Variants in XRCC5 observed in about 807,000 individuals in gnomAD.
XRCC5 encodes X-ray repair cross complementing 5.
Under a neutral mutation model 95.7 loss-of-function variants are expected in XRCC5, and 12 were observed. The observed-to-expected ratio is 0.13, with a 90% CI of 0.08 to 0.20. XRCC5 has a LOEUF of 0.20. Ranked by LOEUF, XRCC5 falls within the 10% of genes least tolerant of loss-of-function variation. The pLI is 1.00. For synonymous variants in XRCC5, 281 were observed against 290.3 expected (o/e 0.97, Z 0.33); for missense variants, 595 against 873.9 (o/e 0.68, Z 4.02).
At chr2:216,124,821 T>C (rs1424543594) in intron 6 of XRCC5, among the ~76,000 whole-genome samples, 1 of 152,242 alleles carries the variant, frequency 6.6e-6, no homozygotes, top group Non-Finnish European at 1.5e-5. Flanking sequence ...CTGCTTATTT[T>C]AGTGAATACC....
chr2:216,201,258 C>T (rs757966367), intron 19 of XRCC5, among the ~76,000 whole-genome samples: 2 of 152,126 alleles, frequency 1.3e-5, no homozygotes, highest in African/African-American at 2.4e-5. Flanking sequence ...TCATTTTAGG[C>T]AAAGTACATG....
At chr2:216,182,501 A>C (rs1390391098) in intron 16 of XRCC5, among the ~76,000 whole-genome samples, 1 of 152,128 alleles carries the variant, frequency 6.6e-6, no homozygotes, top group East Asian at 1.9e-4. Flanking sequence ...TTCTCTATCA[A>C]TTTTAGTAAG....
chr2:216,184,073 T>TGG (rs1689445807), intron 16 of XRCC5, among the ~76,000 whole-genome samples: 1 of 131,040 alleles, frequency 7.6e-6, no homozygotes, highest in African/African-American at 2.9e-5. Flanking sequence ...TGTGTGTGTG[T>TGG]GATTTAGAGA....
chr2:216,191,425 T>C (rs931953256), intron 17 of XRCC5, among the ~76,000 whole-genome samples: 2 of 152,040 alleles, frequency 1.3e-5, no homozygotes, highest in Non-Finnish European at 2.9e-5. Context: ...TTTTTTTTTT[T>C]CTTGAGACGG....
chr2:216,120,297 A>T (rs1426289265), intron 5 of XRCC5, among the ~76,000 whole-genome samples: 1 of 152,198 alleles, frequency 6.6e-6, no homozygotes, highest in African/African-American at 2.4e-5. Flanking sequence ...TTAGAAGCAG[A>T]CTGCATTTCA....
At position 216,113,145 on chromosome 2, in the gene XRCC5, A is replaced by T; in HGVS notation, c.135+16A>T. On this transcript the variant is annotated intron_variant, in intron 2 of 20. Transcript: ENST00000392132. Reference sequence around the variant, plus strand: ...ACAGCGACAGGTAAGTTTCAGATTGACACTGAGCTTGTAACCCATGTTTGA... The same window carrying T: ...ACAGCGACAGGTAAGTTTCAGATTGTCACTGAGCTTGTAACCCATGTTTGA... 1 of 1,604,496 alleles carries T rather than the reference A, an allele frequency of 6.2e-7. No homozygotes were observed. Among genetic ancestry groups the T allele is most frequent in the Middle Eastern group, 1.7e-4 (1 of 6,040 alleles).
At chr2:216,142,561 A>G (rs1260311384) in intron 13 of XRCC5, among the ~76,000 whole-genome samples, 2 of 152,138 alleles carry the variant, frequency 1.3e-5, no homozygotes, top group Non-Finnish European at 2.9e-5. Flanking sequence ...AGTTGATGAC[A>G]GCAGGACATA....
chr2:216,142,823 A>G (rs1697194179), intron 13 of XRCC5, among the ~76,000 whole-genome samples: 1 of 152,130 alleles, frequency 6.6e-6, no homozygotes, highest in Admixed American at 6.5e-5. Context: ...TGATGCTTGT[A>G]ATTCTTTTAA....
chr2:216,168,409 A>T (rs1689092971), intron 16 of XRCC5, among the ~76,000 whole-genome samples: 1 of 152,236 alleles, frequency 6.6e-6, no homozygotes. Context: ...AATCATTGAA[A>T]TAGAGATGAA....
In XRCC5 at chr2:216,127,682, A is replaced by C. The variant is rs762464279; in HGVS notation, c.937+8A>C. ...AAGAGGATATTATTCAAGGTATGTC[A>C]GTAAGAGTTTTCACTGTTGCCTAAA... is the stretch of plus-strand genomic sequence containing the variant. On this transcript the variant is annotated splice_region_variant and intron_variant, in intron 8 of 20. Transcript: ENST00000392132. The C allele has an allele frequency of 1.9e-6, 3 of 1,590,100 alleles. No homozygotes were observed. Among genetic ancestry groups the C allele is most frequent in the East Asian group, 4.5e-5 (2 of 44,534 alleles).
At chr2:216,171,313 G>C (rs754531307) in intron 16 of XRCC5, among the ~76,000 whole-genome samples, 1 of 152,204 alleles carries the variant, frequency 6.6e-6, no homozygotes. Context: ...ATCCATGCGT[G>C]TCTACATAAA....
intron 16 of XRCC5, among the ~76,000 whole-genome samples, chr2:216,168,257 G>A (rs1689091116): frequency 6.6e-6 from 1 of 152,158 alleles, no homozygotes; most frequent in Admixed American, 6.5e-5. Flanking sequence ...AAAGACTCTG[G>A]ATCAAATTCC....
rs41296430 is a variant in XRCC5 at position 216,150,013 on chromosome 2, GTA to G, written c.1670+1739_1670+1740del. Among the ~76,000 whole-genome samples, 611 of 152,274 alleles carry G rather than the reference GTA, an allele frequency of 4.0e-3. 4 individuals carry two copies. Among genetic ancestry groups the G allele is most frequent in the African/African-American group, 0.014 (590 of 41,544 alleles). ...ATTTAGCAAATATTGAGTACCACCT[GTA>G]TTCAAGAAGAATGGTTCAGTCCTTT... On this transcript the variant is annotated intron_variant, in intron 14 of 20. Transcript: ENST00000392132.
At chr2:216,126,180 C>T (rs1696897585) in intron 7 of XRCC5, 149 bp downstream of exon 7, 2 of 637,090 alleles carry the variant, frequency 3.1e-6, no homozygotes, top group Non-Finnish European at 5.2e-6. Context: ...CTCTGTTTAG[C>T]TTTTTGTGTA....
At chr2:216,114,710 T>G (rs1162828738) in intron 2 of XRCC5, among the ~76,000 whole-genome samples, 1 of 152,190 alleles carries the variant, frequency 6.6e-6, no homozygotes, top group East Asian at 1.9e-4. Flanking sequence ...TACAGGAATC[T>G]TAACAGACAG....
chr2:216,119,226 G>A, intron 5 of XRCC5, 61 bp downstream of exon 5: 1 of 1,591,118 alleles, frequency 6.3e-7, no homozygotes, highest in Non-Finnish European at 8.6e-7. Flanking sequence ...TAGTGAATGG[G>A]CCCTCTGTAT....
intron 16 of XRCC5, among the ~76,000 whole-genome samples, chr2:216,167,553 C>CGT (rs148374955): frequency 4.9e-5 from 7 of 141,952 alleles, no homozygotes; most frequent in African/African-American, 1.3e-4. Context: ...AAATCTCTCT[C>CGT]GTGTGTGTGT....
intron 7 of XRCC5, among the ~76,000 whole-genome samples, chr2:216,126,747 T>G (rs559507966): frequency 1.4e-4 from 21 of 152,304 alleles, no homozygotes; most frequent in African/African-American, 4.8e-4. Flanking sequence ...CCAAAATACA[T>G]GATATATCTG....
intron 16 of XRCC5, among the ~76,000 whole-genome samples, chr2:216,185,650 C>G (rs573289030): frequency 4.6e-5 from 7 of 150,902 alleles, no homozygotes; most frequent in Non-Finnish European, 8.8e-5. Flanking sequence ...TTGTCATTGG[C>G]TACATAAATT....
Sources: allele counts gnomAD v4.1 joint callset (sites outside exome capture counted in the v4.1 genomes callset), GRCh38; gene constraint gnomAD v4.1.1; transcripts MANE v1.5; gene names NCBI Gene and HGNC (gene_info 2026-07-23, HGNC 2026-07-21).